The following EPHB4 variants were observed in gnomAD, a reference collection of about 807,000 sequenced individuals.
EPHB4 encodes ephrin type-B receptor 4.
In EPHB4, 50 loss-of-function variants were observed where a neutral mutation model predicts 110.6. The ratio of observed to expected loss-of-function variants is 0.45; its 90% CI spans 0.36 to 0.57. EPHB4 has a LOEUF of 0.57. Among genes scored for constraint, EPHB4 ranks in the 20% least tolerant of loss-of-function variants. The pLI, the probability that EPHB4 is intolerant of heterozygous loss-of-function variation, is 0.00. For missense variants in EPHB4, 1,128 were observed against 1,382.1 expected (o/e 0.82, Z 2.91); for synonymous variants, 592 against 578.4 (o/e 1.02, Z -0.34).
intron 8 of EPHB4, 140 bp from the exon 9 acceptor site, chr7:100,814,161 G>T: frequency 1.2e-6 from 1 of 852,782 alleles, no homozygotes; most frequent in Non-Finnish European, 1.8e-6. Context: ...GACACAAGCA[G>T]GCAAGGTCAG....
rs149377356 is a variant in EPHB4 at position 100,812,768 on chromosome 7, G to A, written c.2097C>T (p.Gly699=). ...VMILTEFMEN[G]ALDSFLRLND... is the part of the protein sequence containing the mutation. ...TCACCCGCAGGAAGGAGTCCAGGGC[G>A]CCGTTCTCCATGAACTCTGTGAGAA... is the stretch of plus-strand genomic sequence containing the variant. Residue 699 remains glycine (G), a synonymous_variant, in exon 12 of 17, where the codon GGC becomes GGT. Transcript: ENST00000358173. 33 of 1,613,674 alleles carry A rather than the reference G, an allele frequency of 2.0e-5. No individual in the cohort carries two copies. The highest frequency in any genetic ancestry group is 1.6e-4 in the Middle Eastern group (1 of 6,084).
rs763900179 is a variant in EPHB4, at chr7:100,824,255, T to G, written c.71A>C (p.Lys24Thr). The G allele has an allele frequency of 6.2e-7, 1 of 1,614,054 alleles. No individual in the cohort carries two copies. Among genetic ancestry groups the G allele is most frequent in the Non-Finnish European group, 8.5e-7 (1 of 1,179,980 alleles). ...AALEETLLNT[K>T]LETADLKWVT... ...CCACTTCAGATCAGCAGTTTCCAAT[T>G]TTGTGTTCAGCAGGGTCTCTGAGAC... The change falls in exon 2 of 17, where the codon AAA (lysine) becomes ACA (threonine). Residue 24 changes from lysine to threonine, a missense_variant. Coordinates refer to ENST00000358173, the MANE Select transcript of EPHB4 (RefSeq NM_004444.5).
intron 7 of EPHB4, among the ~76,000 whole-genome samples, 163 bp downstream of exon 7, chr7:100,818,355 AAG>A (rs1199686449): frequency 6.6e-6 from 1 of 152,216 alleles, no homozygotes; most frequent in African/African-American, 2.4e-5. Context: ...TTTATAGATG[AAG>A]AGTCTGAGGC....
At chr7:100,817,146 T>TG in intron 8 of EPHB4, 46 bp downstream of exon 8, 1 of 1,453,902 alleles carries the variant, frequency 6.9e-7, no homozygotes, top group South Asian at 1.5e-5. Flanking sequence ...CCAGGAACTT[T>TG]GGGGGTCTTT....
rs1397396029 is a variant in EPHB4 at position 100,820,305 on chromosome 7, G to A, written c.809-9C>T. 1.9e-6 allele frequency: 3 copies of A among 1,612,730 alleles called. No homozygotes were observed. Among genetic ancestry groups the A allele is most frequent in the East Asian group, 4.5e-5 (2 of 44,858 alleles). ...GGTGCCCTGGGCACAGGCTGAGAGA[G>A]AGAAAGCATTCATCAAAAGCATGCA... is the stretch of plus-strand genomic sequence containing the variant. On this transcript the variant is annotated splice_polypyrimidine_tract_variant and intron_variant, in intron 4 of 16. Coordinates refer to ENST00000358173, the MANE Select transcript of EPHB4 (RefSeq NM_004444.5).
At chr7:100,825,262 CAG>C (rs1271404812) in intron 1 of EPHB4, 1 of 152,150 alleles carries the variant, frequency 6.6e-6, no homozygotes, top group African/African-American at 2.4e-5. Flanking sequence ...GATGGGAAGC[CAG>C]CCAGCCTGAG....
In EPHB4 at chr7:100,802,977, G is replaced by A. The variant is rs1156924252; in HGVS notation, c.*484C>T. 6.5e-6 allele frequency: 1 copy of A among 152,716 alleles called. No individual in the cohort carries two copies. The highest frequency in any genetic ancestry group is 2.4e-5 in the African/African-American group (1 of 41,466). The allele number at this position is 152,716 out of a possible 1,614,324, so 9.5% of individuals were successfully genotyped here. On this transcript the variant is annotated 3_prime_UTR_variant, in exon 17 of 17. Coordinates refer to ENST00000358173, the MANE Select transcript of EPHB4 (RefSeq NM_004444.5). ...AATATGAAGGCAGCAGCTGGGGGAG[G>A]GGCATTTACAAGGGAAAAAAATGAT...
At chr7:100,813,288 C>T in intron 10 of EPHB4, 80 bp from the exon 11 acceptor site, 1 of 1,008,052 alleles carries the variant, frequency 9.9e-7, no homozygotes, top group Non-Finnish European at 1.4e-6. Context: ...CTTTTAGCCC[C>T]AAACCCCTGT....
At chr7:100,811,888 T>C (rs1277399398) in intron 12 of EPHB4, among the ~76,000 whole-genome samples, 1 of 146,998 alleles carries the variant, frequency 6.8e-6, no homozygotes, top group Non-Finnish European at 1.5e-5. Context: ...AAAAAAAAAA[T>C]TGGCCGGGCG....
intron 1 of EPHB4, among the ~76,000 whole-genome samples, chr7:100,826,400 C>T (rs957962423): frequency 1.3e-5 from 2 of 152,038 alleles, no homozygotes; most frequent in Non-Finnish European, 2.9e-5. Context: ...CTGTAGAAAC[C>T]AAGGAGCCAC....
chr7:100,804,441 A>G (rs936133938), intron 16 of EPHB4, among the ~76,000 whole-genome samples: 1 of 146,468 alleles, frequency 6.8e-6, no homozygotes, highest in African/African-American at 2.6e-5. Context: ...CAGCCTCCTC[A>G]GTAGCTGGTA....
At chr7:100,817,068 G>A in intron 8 of EPHB4, 124 bp downstream of exon 8, 2 of 1,141,266 alleles carry the variant, frequency 1.8e-6, no homozygotes, top group Non-Finnish European at 2.3e-6. Context: ...GAGGGACAGA[G>A]CAAGACTCCA....
chr7:100,805,290 G>A lies in EPHB4; in HGVS notation c.2710C>T (p.Pro904Ser), dbSNP rs1203411135. The change falls in exon 16 of 17, where the codon CCT becomes TCT. Residue 904 changes from proline (P) to serine (S), a missense_variant. By Grantham distance (74) the Pro-to-Ser change is moderately conservative. Around this residue, in one of 3 missense-constraint regions of EPHB4, gnomAD observed 209 missense variants for 240.5 expected, o/e 0.87. Transcript: ENST00000358173. ...ASHPLLDQRQ[P>S]HYSAFGSVGE... ...ACAGAGCCAAAAGCTGAGTAGTGAG[G>A]CTGCCGCTGGTCCAGGAGAGGGTGT... The A allele has an allele frequency of 6.2e-7, 1 of 1,613,586 alleles. No homozygotes were observed. Among genetic ancestry groups the A allele is most frequent in the Admixed American group, 1.7e-5 (1 of 59,904 alleles).
Position 100,819,834 on chromosome 7 carries a change from G to A in EPHB4, c.1020C>T (p.His340=), listed in dbSNP as rs771125758. 6.4e-7 allele frequency: 1 copy of A among 1,555,952 alleles called. No individual in the cohort carries two copies. Among genetic ancestry groups the A allele is most frequent in the African/African-American group, 1.4e-5 (1 of 73,324 alleles). Residue 340 remains histidine (H), a synonymous_variant, in exon 6 of 17, where the codon CAC becomes CAT. Coordinates refer to ENST00000358173, the MANE Select transcript of EPHB4 (RefSeq NM_004444.5). ...ACTCCAGGGGGGCACTCCATTCCAGGTGCAGGGAGGAGCCGTTCAGGCGGG... is the reference window on the plus strand; with the variant it reads ...ACTCCAGGGGGGCACTCCATTCCAGATGCAGGGAGGAGCCGTTCAGGCGGG... The part of the protein sequence containing the change: ...VVSRLNGSSL[H]LEWSAPLESG...
intron 12 of EPHB4, among the ~76,000 whole-genome samples, chr7:100,811,945 G>A (rs1486072036): frequency 1.3e-5 from 2 of 152,048 alleles, no homozygotes; most frequent in Non-Finnish European, 1.5e-5. Context: ...GCCGAGGCAG[G>A]CGGATCACCT....
chr7:100,813,998 G>T lies in EPHB4; in HGVS notation c.1612C>A (p.Leu538Met). The change falls in exon 9 of 17, where the codon CTG becomes ATG. Residue 538 changes from leucine to methionine, a missense_variant. Around this residue, in one of 3 missense-constraint regions of EPHB4, gnomAD observed 728 missense variants for 828.6 expected, o/e 0.88. Coordinates refer to ENST00000358173, the MANE Select transcript of EPHB4 (RefSeq NM_004444.5). ...LDESEGWREQ[L>M]ALIAGTAVVG... is the part of the protein sequence containing the mutation. ...ACTGCCGTGCCCGCAATCAGGGCCAGCTGCTCCCGCCAGCCCTCGCTCTCT... is the reference window on the plus strand; with the variant it reads ...ACTGCCGTGCCCGCAATCAGGGCCATCTGCTCCCGCCAGCCCTCGCTCTCT... 1 of 1,614,160 alleles carries T rather than the reference G, an allele frequency of 6.2e-7. No homozygotes were observed. Among genetic ancestry groups the T allele is most frequent in the Non-Finnish European group, 8.5e-7 (1 of 1,180,024 alleles).
rs756215252 is a variant in EPHB4, at chr7:100,822,379, T to TGGGGCC, written c.694_699dup (p.Gly232_Pro233dup). On this transcript the variant is annotated inframe_insertion, in exon 4 of 17. Coordinates refer to ENST00000358173, the MANE Select transcript of EPHB4 (RefSeq NM_004444.5). This position sits in a 1 kb window ranked among gnomAD's most constrained non-coding sequence, Gnocchi z 4.7. ...TCCTCACGGCAGTAGAGGCTGGGGC[T>TGGGGCC]GGGGCCAGGGGCGGGGACGGCATCC... is the stretch of plus-strand genomic sequence containing the variant. 4 of 1,574,096 alleles carry TGGGGCC rather than the reference T, an allele frequency of 2.5e-6. No individual in the cohort carries two copies. In the African/African-American group the frequency reaches 4.0e-5, roughly 16 times the overall value.
At chr7:100,825,693 T>C (rs1813368029) in intron 1 of EPHB4, among the ~76,000 whole-genome samples, 2 of 152,068 alleles carry the variant, frequency 1.3e-5, no homozygotes, top group Non-Finnish European at 2.9e-5. Context: ...ATCTGAAAAA[T>C]GGGGGCAATA....
chr7:100,823,526 C>A (rs1813291935), intron 3 of EPHB4, 118 bp downstream of exon 3: 1 of 1,345,328 alleles, frequency 7.4e-7, no homozygotes, highest in Non-Finnish European at 1.0e-6. Context: ...CCTCCTGCTT[C>A]CAGCCCCCAG....
Sources: gnomAD v4.1 joint callset for allele counts (sites outside exome capture counted in the v4.1 genomes callset) on GRCh38, gnomAD v4.1.1 for gene constraint, gnomAD v4.1.1 regional missense constraint, Gnocchi (gnomAD v3.1) non-coding constraint, MANE v1.5 for transcripts, NCBI Gene and HGNC (gene_info 2026-07-23, HGNC 2026-07-21) for gene names.